The following MAGI2 variants were observed in gnomAD, a reference collection of about 807,000 sequenced individuals.
MAGI2 encodes membrane-associated guanylate kinase, WW and PDZ domain-containing protein 2.
Under a neutral mutation model 133.3 loss-of-function variants are expected in MAGI2, and 35 were observed. That is an observed-to-expected ratio of 0.26 (90% CI 0.20 to 0.35). MAGI2 has a LOEUF of 0.35. Ranked by LOEUF, MAGI2 falls within the 10% of genes least tolerant of loss-of-function variation. The pLI is 1.00. For synonymous variants in MAGI2, 729 were observed against 710.6 expected, an observed-to-expected ratio of 1.03 and a Z score of -0.41; for missense variants, 1,636 against 1,863.4, an observed-to-expected ratio of 0.88 and a Z score of 2.25.
chr7:78,996,816 C>T (rs1247869659), intron 2 of MAGI2, among the ~76,000 whole-genome samples: 5 of 152,070 alleles, frequency 3.3e-5, no homozygotes, highest in Non-Finnish European at 5.9e-5. Context: ...ATGGGAGGAA[C>T]GCTCCACAGA....
intron 1 of MAGI2, among the ~76,000 whole-genome samples, chr7:79,437,014 C>A (rs1848190574): frequency 6.6e-6 from 1 of 152,108 alleles, no homozygotes; most frequent in South Asian, 2.1e-4. Flanking sequence ...ACTATGCAGC[C>A]ATGAAAATAA....
chr7:78,690,858 GT>G (rs1311535710), intron 2 of MAGI2, among the ~76,000 whole-genome samples: 1 of 152,168 alleles, frequency 6.6e-6, no homozygotes, highest in Non-Finnish European at 1.5e-5. Flanking sequence ...AGCAAGTAGA[GT>G]AAAAAATGGT....
intron 1 of MAGI2, among the ~76,000 whole-genome samples, chr7:79,051,822 G>T (rs1274098058): frequency 6.6e-6 from 1 of 152,154 alleles, no homozygotes; most frequent in East Asian, 1.9e-4. Context: ...TTAACCATTA[G>T]TAAGTTTTAA....
intron 6 of MAGI2, among the ~76,000 whole-genome samples, chr7:78,386,288 AT>A (rs1457046113): frequency 6.6e-6 from 1 of 152,180 alleles, no homozygotes; most frequent in African/African-American, 2.4e-5. Flanking sequence ...AAAGTAGAGG[AT>A]TTGGAATTAA....
At chr7:79,409,302 T>C (rs1157705144) in intron 1 of MAGI2, among the ~76,000 whole-genome samples, 4 of 152,092 alleles carry the variant, frequency 2.6e-5, no homozygotes, top group Non-Finnish European at 5.9e-5. Flanking sequence ...CTCCCTCTTA[T>C]TTTTTTAAGA....
intron 2 of MAGI2, among the ~76,000 whole-genome samples, chr7:78,854,083 C>T (rs1379232791): frequency 6.6e-6 from 1 of 152,020 alleles, no homozygotes; most frequent in Non-Finnish European, 1.5e-5. Flanking sequence ...CTGTCAGATA[C>T]ATTTAGTGAA....
At chr7:78,785,207 T>G (rs1826715244) in intron 2 of MAGI2, among the ~76,000 whole-genome samples, 1 of 152,210 alleles carries the variant, frequency 6.6e-6, no homozygotes, top group African/African-American at 2.4e-5. Flanking sequence ...ATTAAATATT[T>G]TAAAATGGGA....
intron 1 of MAGI2, among the ~76,000 whole-genome samples, chr7:79,196,431 T>G (rs1828088533): frequency 6.6e-6 from 1 of 151,996 alleles, no homozygotes; most frequent in Non-Finnish European, 1.5e-5. Context: ...CTGCTATATT[T>G]CAAAAACATT....
At chr7:78,649,347 A>G (rs2151009161) in intron 2 of MAGI2, among the ~76,000 whole-genome samples, 1 of 151,770 alleles carries the variant, frequency 6.6e-6, no homozygotes, top group Admixed American at 6.6e-5. Flanking sequence ...ACATGTTAGG[A>G]GACTATACAC....
intron 6 of MAGI2, among the ~76,000 whole-genome samples, chr7:78,376,222 A>G (rs1316704788): frequency 6.6e-6 from 1 of 152,118 alleles, no homozygotes; most frequent in Admixed American, 6.6e-5. Flanking sequence ...ATAAACAACT[A>G]AACCAAAACC....
chr7:79,361,459 G>A (rs1410026750), intron 1 of MAGI2, among the ~76,000 whole-genome samples: 1 of 152,138 alleles, frequency 6.6e-6, no homozygotes, highest in Non-Finnish European at 1.5e-5. Flanking sequence ...CCCAAATATC[G>A]TATTTTCCAA....
chr7:79,124,963 A>G, intron 1 of MAGI2: 1 of 286,390 alleles, frequency 3.5e-6, no homozygotes, highest in Non-Finnish European at 6.8e-6. Flanking sequence ...AAAAGCCACG[A>G]AAGGTGGAGG....
At chr7:79,188,428 C>T (rs568455620) in intron 1 of MAGI2, among the ~76,000 whole-genome samples, 1 of 151,946 alleles carries the variant, frequency 6.6e-6, no homozygotes, top group Admixed American at 6.6e-5. Context: ...TTTCCAGCTC[C>T]ATCCATGTCC....
chr7:79,098,579 G>A (rs1002545887), intron 1 of MAGI2, among the ~76,000 whole-genome samples: 2 of 152,140 alleles, frequency 1.3e-5, no homozygotes, highest in African/African-American at 4.8e-5. Flanking sequence ...TGAGGAGCTG[G>A]TTAGGCTACT....
At chr7:78,716,491 G>A (rs1398856128) in intron 2 of MAGI2, among the ~76,000 whole-genome samples, 2 of 152,040 alleles carry the variant, frequency 1.3e-5, no homozygotes, top group African/African-American at 4.8e-5. Flanking sequence ...GGGTGGTGGG[G>A]AATACAAAAA....
chr7:79,137,365 C>T (rs1048682220), intron 1 of MAGI2, among the ~76,000 whole-genome samples: 1 of 151,948 alleles, frequency 6.6e-6, no homozygotes, highest in Non-Finnish European at 1.5e-5. Flanking sequence ...GCTCTTAATC[C>T]TGCTGGTTCT....
intron 21 of MAGI2, among the ~76,000 whole-genome samples, chr7:78,058,765 T>C (rs6950534): frequency 0.72 from 109,751 of 151,994 alleles, 39,790 homozygotes; most frequent in East Asian, 0.88. Flanking sequence ...CTAAGGCATC[T>C]TATAACTGAA....
intron 2 of MAGI2, among the ~76,000 whole-genome samples, chr7:78,837,377 G>C (rs1791726200): frequency 6.6e-6 from 1 of 152,096 alleles, no homozygotes; most frequent in African/African-American, 2.4e-5. Context: ...CATTTTTCAT[G>C]TGTTGACATG....
chr7:78,703,806 CAAGATACACACACA>C (rs1017966666), intron 2 of MAGI2, among the ~76,000 whole-genome samples: 3 of 132,208 alleles, frequency 2.3e-5, no homozygotes, highest in African/African-American at 8.5e-5. Flanking sequence ...ATGTGATATT[CAAGATACACACACA>C]CATACACACA....
Sources: allele counts gnomAD v4.1 joint callset (sites outside exome capture counted in the v4.1 genomes callset), GRCh38; gene constraint gnomAD v4.1.1; transcripts MANE v1.5; gene names NCBI Gene and HGNC (gene_info 2026-07-23, HGNC 2026-07-21).